Variants in CS observed in about 807,000 individuals in gnomAD.
CS encodes citrate synthase, mitochondrial.
Under a neutral mutation model 61.4 loss-of-function variants are expected in CS, and 13 were observed. That is an observed-to-expected ratio of 0.21 (90% confidence interval 0.14 to 0.34). CS has a LOEUF of 0.34. Among genes scored for constraint, CS ranks in the 10% least tolerant of loss-of-function variants. CS has a pLI of 1.00. For synonymous variants in CS, 159 were observed against 215.2 expected (o/e 0.74, Z 2.29); for missense variants, 278 against 573.4 (o/e 0.48, Z 5.26).
intron 1 of CS, 145 bp downstream of exon 1, chr12:56,300,015 C>T (rs1222754977): frequency 6.9e-6 from 5 of 725,974 alleles, no homozygotes; most frequent in East Asian, 3.3e-5. Context: ...TGTAGCTTCA[C>T]GCAGGGCTGG....
At chr12:56,291,401 TAAGGGCTTCTTGACCAAG>T (rs1461695606) in intron 1 of CS, 2 of 474,194 alleles carry the variant, frequency 4.2e-6, no homozygotes, top group African/African-American at 4.3e-5. Flanking sequence ...GTTTTCTTTT[TAAGGGCTTCTTGACCAAG>T]AAGGGAGGCA....
intron 9 of CS, chr12:56,274,319 TTA>T: frequency 2.5e-5 from 2 of 78,628 alleles, no homozygotes; most frequent in Non-Finnish European, 3.2e-5. Context: ...AAGACTGTCT[TTA>T]AAAAAAAAAA....
At chr12:56,287,609 T>G (rs1447543698) in intron 1 of CS, among the ~76,000 whole-genome samples, 1 of 152,046 alleles carries the variant, frequency 6.6e-6, no homozygotes, top group Non-Finnish European at 1.5e-5. Context: ...AGAAGATTGT[T>G]AAGTTGCAAT....
At chr12:56,290,917 A>T (rs545516471) in intron 1 of CS, among the ~76,000 whole-genome samples, 1 of 152,334 alleles carries the variant, frequency 6.6e-6, no homozygotes, top group African/African-American at 2.4e-5. Flanking sequence ...CCTCCTCGCC[A>T]GAAGTATTTA....
intron 8 of CS, 52 bp from the exon 9 acceptor site, chr12:56,274,930 G>A: frequency 6.2e-7 from 1 of 1,608,080 alleles, no homozygotes; most frequent in Non-Finnish European, 8.5e-7. Flanking sequence ...TGCCAGAAGA[G>A]AATGCCAAGA....
At chr12:56,284,937 C>T (rs1170256981) in intron 3 of CS, among the ~76,000 whole-genome samples, 1 of 150,918 alleles carries the variant, frequency 6.6e-6, no homozygotes, top group East Asian at 2.0e-4. Flanking sequence ...AGCCATGTTG[C>T]CAAGGCTGAT....
Position 56,286,070 on chromosome 12 carries a change from A to C in CS, c.94-47T>G, listed in dbSNP as rs764459072. On this transcript the variant is annotated intron_variant, in intron 2 of 10. Coordinates refer to ENST00000351328, the MANE Select transcript of CS (RefSeq NM_004077.3). ...CTAAGCAATGGTCTAAAAGTTTATT[A>C]GATTTCCTGCAAAGTAGGTGTGTCA... The C allele has an allele frequency of 2.0e-6, 3 of 1,510,758 alleles. No individual in the cohort carries two copies. The African/African-American group carries it at 4.1e-5, about 21-fold the overall frequency. 93.6% of individuals were successfully genotyped at this position (1,510,758 alleles called of 1,614,324 possible). A position where few individuals can be genotyped will look rare whatever the true frequency, so the allele number is the denominator to read the frequency against.
intron 1 of CS, among the ~76,000 whole-genome samples, chr12:56,290,976 G>C (rs1442586919): frequency 2.0e-5 from 3 of 152,176 alleles, no homozygotes; most frequent in Non-Finnish European, 4.4e-5. Flanking sequence ...TAGATATGGA[G>C]TTACCAAGGA....
chr12:56,285,427 G>A (rs1872913104), intron 3 of CS, among the ~76,000 whole-genome samples: 3 of 151,996 alleles, frequency 2.0e-5, no homozygotes, highest in African/African-American at 4.8e-5. Context: ...GGACTACAGG[G>A]GCATCCCACC....
intron 7 of CS, 68 bp from the exon 8 acceptor site, chr12:56,275,199 C>T: frequency 6.3e-7 from 1 of 1,595,352 alleles, no homozygotes; most frequent in Non-Finnish European, 8.6e-7. Context: ...CTTTGCTGTT[C>T]TCTTATTTGC....
chr12:56,291,903 A>G (rs1195834791), intron 1 of CS: 1 of 152,224 alleles, frequency 6.6e-6, no homozygotes, highest in Non-Finnish European at 1.5e-5. Context: ...ACAATCACGA[A>G]GAGGTTTTTC....
intron 1 of CS, among the ~76,000 whole-genome samples, chr12:56,295,384 G>A (rs918906670): frequency 4.0e-5 from 6 of 151,644 alleles, no homozygotes; most frequent in Non-Finnish European, 8.8e-5. Context: ...AGCCCGGCGT[G>A]GTGGCATGTG....
chr12:56,286,160 T>C (rs1230249068), intron 2 of CS, 137 bp from the exon 3 acceptor site: 2 of 656,826 alleles, frequency 3.0e-6, no homozygotes, highest in Non-Finnish European at 5.4e-6. Flanking sequence ...TCTGCACAAA[T>C]GAGGGTAAAA....
Position 56,276,174 on chromosome 12 carries a change from C to G in CS, c.610G>C (p.Asp204His), listed in dbSNP as rs1157559805. ...ACACAAGGTAGCTTTGCGATTAGAT[C>G]CATAGAGTCTTCATAAATCAACTGA... Reference protein sequence around the residue: ...YWELIYEDSMDLIAKLPCVAA... With the variant: ...YWELIYEDSMHLIAKLPCVAA... Residue 204 changes from aspartate to histidine, a missense_variant, in exon 7 of 11, where the codon GAT (aspartate) becomes CAT (histidine). By Grantham distance (81) the Asp-to-His change is moderately conservative. Coordinates refer to ENST00000351328, the MANE Select transcript of CS (RefSeq NM_004077.3). The G allele has an allele frequency of 6.2e-7, 1 of 1,613,938 alleles. No individual in the cohort carries two copies. The highest frequency in any genetic ancestry group is 8.5e-7 in the Non-Finnish European group (1 of 1,180,010).
intron 6 of CS, among the ~76,000 whole-genome samples, chr12:56,277,186 A>G (rs1872644417): frequency 7.2e-6 from 1 of 139,536 alleles, no homozygotes; most frequent in Admixed American, 7.7e-5. Flanking sequence ...CCTGGACCAC[A>G]GAGCGAGACT....
rs1872590762 is a variant in CS at position 56,274,878 on chromosome 12, C to T, written c.919G>A (p.Glu307Lys). ...AGCTGTGTTAGCCAGACAAGCACTT[C>T]CTATGGGTAAGGTTTGGGGAAAAAG... ...AGPLHGLANQEVLVWLTQLQK... is the reference protein window; with the variant it reads ...AGPLHGLANQKVLVWLTQLQK... The change falls in exon 9 of 11, where the codon GAA becomes AAA. Residue 307 changes from glutamate (E) to lysine (K), a missense_variant and splice_region_variant. Glu to Lys is a moderately conservative substitution (Grantham distance 56, BLOSUM62 1). This residue lies in a region of CS where 223 missense variants were observed against 503.5 expected (regional missense o/e 0.44). Transcript: ENST00000351328. 3.7e-6 allele frequency: 6 copies of T among 1,607,338 alleles called. No individual in the cohort carries two copies. Among genetic ancestry groups the T allele is most frequent in the Non-Finnish European group, 5.1e-6 (6 of 1,177,328 alleles).
chr12:56,289,300 C>T (rs1488332151), intron 1 of CS, among the ~76,000 whole-genome samples: 1 of 152,134 alleles, frequency 6.6e-6, no homozygotes, highest in African/African-American at 2.4e-5. Flanking sequence ...CAGAGTTAAC[C>T]TTGTTCAAGC....
chr12:56,283,009 A>G lies in CS; in HGVS notation c.268-18T>C, dbSNP rs770897033. On this transcript the variant is annotated intron_variant, in intron 4 of 10. Transcript: ENST00000351328. ...CGGATGCCCTTGAGAGAGGAGAGAG[A>G]GAATTACAACTCAAGTTTATAGCCT... 3 of 1,613,746 alleles carry G rather than the reference A, an allele frequency of 1.9e-6. No individual in the cohort carries two copies. In the East Asian group the frequency reaches 6.7e-5, roughly 36 times the overall value.
In CS at chr12:56,278,918, T is replaced by C. The variant is rs973877571; in HGVS notation, c.589-2723A>G. ...CCTCCTGAGTAGTTGGGATTACAGG[T>C]GTGCACCAGGACGCTCAGCTAATTT... On this transcript the variant is annotated intron_variant, in intron 6 of 10. Coordinates refer to ENST00000351328, the MANE Select transcript of CS (RefSeq NM_004077.3). Among the ~76,000 whole-genome samples the C allele has an allele frequency of 8.5e-5, 13 of 152,068 alleles. No individual in the cohort carries two copies. The South Asian group carries it at 1.9e-3, about 22-fold the overall frequency.
Sources: gnomAD v4.1 joint callset for allele counts (sites outside exome capture counted in the v4.1 genomes callset) on GRCh38, gnomAD v4.1.1 for gene constraint, gnomAD v4.1.1 regional missense constraint, MANE v1.5 for transcripts, NCBI Gene and HGNC (gene_info 2026-07-23, HGNC 2026-07-21) for gene names.